CNOT6L: variants seen among roughly 807,000 people sequenced by gnomAD.
The protein encoded by CNOT6L is CCR4-NOT transcription complex subunit 6 like.
CNOT6L carries 7 observed loss-of-function variants against 64.0 expected under a neutral mutation model. The observed-to-expected ratio is 0.11, with a 90% CI of 0.06 to 0.21. The LOEUF (loss-of-function observed/expected upper bound fraction) is 0.21, where lower values mean the gene tolerates loss of function less well. Among genes scored for constraint, CNOT6L ranks in the 10% least tolerant of loss-of-function variants. The pLI is 1.00. For synonymous variants in CNOT6L, 193 were observed against 243.4 expected, an observed-to-expected ratio of 0.79 and a Z score of 1.93; for missense variants, 245 against 669.0, an observed-to-expected ratio of 0.37 and a Z score of 6.99.
chr4:77,724,639 CAAAA>C (rs58504681), intron 11 of CNOT6L, among the ~76,000 whole-genome samples: 4 of 64,046 alleles, frequency 6.2e-5, no homozygotes, highest in Admixed American at 1.8e-4. Flanking sequence ...GACCCTATCT[CAAAA>C]AAAAAAAAAA....
At chr4:77,759,426 G>A (rs1034231649) in intron 4 of CNOT6L, among the ~76,000 whole-genome samples, 3 of 151,986 alleles carry the variant, frequency 2.0e-5, no homozygotes, top group Non-Finnish European at 4.4e-5. Flanking sequence ...TTAGCCAGGC[G>A]TGGTTGCGGG....
upstream of CNOT6L, among the ~76,000 whole-genome samples, chr4:77,819,805 C>T (rs1399439659): frequency 6.6e-6 from 1 of 150,878 alleles, no homozygotes; most frequent in Non-Finnish European, 1.5e-5. Flanking sequence ...ACGGCAGAGG[C>T]GGCGGCGCGG....
chr4:77,818,992 G>T, intron 1 of CNOT6L: 1 of 668,184 alleles, frequency 1.5e-6, no homozygotes, highest in East Asian at 2.9e-5. Flanking sequence ...CTCGGGAGCC[G>T]CAGCCACAAA....
intron 4 of CNOT6L, among the ~76,000 whole-genome samples, chr4:77,761,219 A>C (rs1726189350): frequency 6.6e-6 from 1 of 152,044 alleles, no homozygotes; most frequent in Non-Finnish European, 1.5e-5. Context: ...AAACAAACAA[A>C]CAAAACAAAA....
intron 4 of CNOT6L, among the ~76,000 whole-genome samples, chr4:77,769,023 A>G (rs1013400659): frequency 9.2e-5 from 14 of 152,190 alleles, no homozygotes; most frequent in Admixed American, 7.9e-4. Flanking sequence ...GAACCAACCT[A>G]AATATCTACA....
At chr4:77,754,553 G>A (rs992280892) in intron 5 of CNOT6L, among the ~76,000 whole-genome samples, 3 of 151,868 alleles carry the variant, frequency 2.0e-5, no homozygotes, top group Non-Finnish European at 4.4e-5. Context: ...TAAAAACCTC[G>A]TTCTAAAAAT....
At chr4:77,727,672 A>G (rs919159334) in intron 10 of CNOT6L, among the ~76,000 whole-genome samples, 1 of 151,818 alleles carries the variant, frequency 6.6e-6, no homozygotes, top group Admixed American at 6.6e-5. Flanking sequence ...ACAGTCTGGT[A>G]CCAAAGTCAT....
At chr4:77,798,787 G>A (rs1238781816) in intron 1 of CNOT6L, among the ~76,000 whole-genome samples, 1 of 149,072 alleles carries the variant, frequency 6.7e-6, no homozygotes, top group Admixed American at 6.8e-5. Context: ...AGTTCAACAT[G>A]AGCCTGGGCA....
intron 1 of CNOT6L, among the ~76,000 whole-genome samples, chr4:77,787,912 C>A (rs781725825): frequency 5.9e-5 from 9 of 152,202 alleles, no homozygotes; most frequent in Non-Finnish European, 1.2e-4. Context: ...AACTGGAATT[C>A]TAATCCAATT....
intron 1 of CNOT6L, 94 bp downstream of exon 1, chr4:77,819,198 TCGCACACCCACA>T (rs1734009901): frequency 6.2e-7 from 1 of 1,602,488 alleles, no homozygotes; most frequent in South Asian, 1.1e-5. Flanking sequence ...AAGTCCCAAC[TCGCACACCCACA>T]CGCACATTTG....
At chr4:77,739,514 G>A (rs1723343500) in intron 8 of CNOT6L, among the ~76,000 whole-genome samples, 1 of 152,160 alleles carries the variant, frequency 6.6e-6, no homozygotes, top group African/African-American at 2.4e-5. Flanking sequence ...TCTGAAGAAA[G>A]AATAAAGGCA....
At chr4:77,764,358 T>C (rs1172390380) in intron 4 of CNOT6L, among the ~76,000 whole-genome samples, 1 of 152,172 alleles carries the variant, frequency 6.6e-6, no homozygotes, top group Non-Finnish European at 1.5e-5. Flanking sequence ...ATAAAACATG[T>C]AAATCTAAAT....
intron 1 of CNOT6L, among the ~76,000 whole-genome samples, chr4:77,781,822 G>A (rs903938265): frequency 1.3e-5 from 2 of 152,172 alleles, no homozygotes; most frequent in African/African-American, 2.4e-5. Context: ...ATCTCAGTCT[G>A]TAGTTTGGCA....
At chr4:77,794,649 G>T (rs2110120388) in intron 1 of CNOT6L, among the ~76,000 whole-genome samples, 1 of 152,260 alleles carries the variant, frequency 6.6e-6, no homozygotes, top group Non-Finnish European at 1.5e-5. Context: ...TGGCATCAAT[G>T]AAAAATCTAT....
At chr4:77,736,181 G>C (rs1722923314) in intron 8 of CNOT6L, among the ~76,000 whole-genome samples, 3 of 152,044 alleles carry the variant, frequency 2.0e-5, no homozygotes, top group Non-Finnish European at 2.9e-5. Flanking sequence ...AGAAACTCTA[G>C]AGCACACATT....
intron 5 of CNOT6L, among the ~76,000 whole-genome samples, chr4:77,754,820 T>C (rs1255548575): frequency 1.6e-5 from 2 of 127,468 alleles, no homozygotes; most frequent in Non-Finnish European, 3.2e-5. Flanking sequence ...ACCTAATCAA[T>C]AAATGGCTCA....
chr4:77,811,662 C>T (rs146649222), intron 1 of CNOT6L, among the ~76,000 whole-genome samples: 228 of 152,244 alleles, frequency 1.5e-3, no homozygotes, highest in African/African-American at 5.3e-3. Context: ...CCTGACATAG[C>T]ATCTTTATTT....
chr4:77,722,003 G>A (rs1432007171), intron 11 of CNOT6L, among the ~76,000 whole-genome samples: 1 of 151,574 alleles, frequency 6.6e-6, no homozygotes, highest in East Asian at 1.9e-4. Flanking sequence ...AAAAAAAGAA[G>A]CCCTTATCCA....
At chr4:77,737,880 G>A (rs1418908515) in intron 8 of CNOT6L, among the ~76,000 whole-genome samples, 2 of 152,010 alleles carry the variant, frequency 1.3e-5, no homozygotes, top group Admixed American at 6.6e-5. Context: ...TACCAGAAGA[G>A]TACAGATCAA....
Sources: gnomAD v4.1 joint callset for allele counts (sites outside exome capture counted in the v4.1 genomes callset) on GRCh38, gnomAD v4.1.1 for gene constraint, MANE v1.5 for transcripts, NCBI Gene and HGNC (gene_info 2026-07-23, HGNC 2026-07-21) for gene names.